Variants in NRG3 observed in about 807,000 individuals in gnomAD.
NRG3 encodes the protein neuregulin 3, also known as pro-neuregulin-3, membrane-bound isoform.
NRG3 carries 31 observed loss-of-function variants against 66.9 expected under a neutral mutation model. The observed-to-expected ratio is 0.46, with a 90% CI of 0.35 to 0.63. The LOEUF (loss-of-function observed/expected upper bound fraction) is 0.63, where lower values mean the gene tolerates loss of function less well. NRG3 is among the 20% of genes least tolerant of loss of function. NRG3 has a pLI of 0.00. For synonymous variants in NRG3, 393 were observed against 359.4 expected (o/e 1.09, Z -1.06); for missense variants, 910 against 878.9 (o/e 1.04, Z -0.45).
intron 4 of NRG3, among the ~76,000 whole-genome samples, chr10:82,932,319 G>A (rs1242563811): frequency 6.6e-6 from 1 of 152,206 alleles, no homozygotes; most frequent in African/African-American, 2.4e-5. Flanking sequence ...TACAAATTGA[G>A]TAAATTCAAT....
rs551065185 is a variant in NRG3, at chr10:82,461,324, A to G, written c.953+102456A>G. On this transcript the variant is annotated intron_variant, in intron 2 of 8. Transcript: ENST00000372141. ...CATTGCTATCATCAACACCATCACC[A>G]CCACCACCACCATCACCACCACCAC... Among the ~76,000 whole-genome samples, 576 of 151,750 alleles carry G rather than the reference A, an allele frequency of 3.8e-3. 1 individual carries two copies. Among genetic ancestry groups the G allele is most frequent in the African/African-American group, 0.013 (545 of 41,394 alleles).
chr10:82,854,896 T>A (rs1038673981), intron 3 of NRG3, among the ~76,000 whole-genome samples: 5 of 152,204 alleles, frequency 3.3e-5, no homozygotes, highest in East Asian at 3.9e-4. Context: ...TTCTACCATA[T>A]CCACTACATT....
At chr10:82,278,423 T>G (rs915713568) in intron 1 of NRG3, among the ~76,000 whole-genome samples, 1 of 152,102 alleles carries the variant, frequency 6.6e-6, no homozygotes, top group African/African-American at 2.4e-5. Flanking sequence ...TTTGGGGTTA[T>G]TAGTGATACC....
chr10:82,820,391 C>G (rs2061898688), intron 3 of NRG3, among the ~76,000 whole-genome samples: 1 of 152,108 alleles, frequency 6.6e-6, no homozygotes, highest in Non-Finnish European at 1.5e-5. Context: ...TTTATATTGG[C>G]AGTGGGGTTT....
chr10:82,137,488 A>G (rs1406784445), intron 1 of NRG3, among the ~76,000 whole-genome samples: 1 of 152,202 alleles, frequency 6.6e-6, no homozygotes, highest in Non-Finnish European at 1.5e-5. Flanking sequence ...GAAAAAATAA[A>G]TAGGTTCATG....
chr10:82,160,816 C>T (rs2071533876), intron 1 of NRG3, among the ~76,000 whole-genome samples: 1 of 151,896 alleles, frequency 6.6e-6, no homozygotes, highest in African/African-American at 2.4e-5. Flanking sequence ...AGCATGTGAT[C>T]TAAGTACTGG....
intron 2 of NRG3, among the ~76,000 whole-genome samples, chr10:82,644,930 C>T (rs1590998033): frequency 6.6e-6 from 1 of 152,132 alleles, no homozygotes; most frequent in East Asian, 1.9e-4. Context: ...ACCTAATTTT[C>T]CTTTCTTTCT....
chr10:81,943,863 C>G (rs897338311), intron 1 of NRG3, among the ~76,000 whole-genome samples: 2 of 152,164 alleles, frequency 1.3e-5, no homozygotes, highest in African/African-American at 2.4e-5. Context: ...GCTTCCACCT[C>G]CAAGAGGAAA....
At chr10:82,733,844 G>A (rs1035811604) in intron 2 of NRG3, among the ~76,000 whole-genome samples, 6 of 152,204 alleles carry the variant, frequency 3.9e-5, no homozygotes, top group African/African-American at 7.2e-5. Flanking sequence ...ATTATAAGCC[G>A]TAACTTAGTT....
At chr10:82,368,158 C>G (rs1158196646) in intron 2 of NRG3, among the ~76,000 whole-genome samples, 1 of 139,518 alleles carries the variant, frequency 7.2e-6, no homozygotes, top group Non-Finnish European at 1.5e-5. Context: ...TGAGTAAACA[C>G]AGGGAATTTG....
intron 2 of NRG3, among the ~76,000 whole-genome samples, chr10:82,524,879 A>C (rs1203002709): frequency 6.6e-6 from 1 of 151,698 alleles, no homozygotes; most frequent in Non-Finnish European, 1.5e-5. Flanking sequence ...CTACATTTTT[A>C]TATTTATTGG....
chr10:82,127,094 C>T (rs1173570726), intron 1 of NRG3, among the ~76,000 whole-genome samples: 1 of 152,126 alleles, frequency 6.6e-6, no homozygotes, highest in Non-Finnish European at 1.5e-5. Context: ...GTCCCTAACA[C>T]TTGAAGGAGA....
chr10:82,944,794 T>C (rs1848863852), intron 4 of NRG3, among the ~76,000 whole-genome samples: 1 of 152,200 alleles, frequency 6.6e-6, no homozygotes, highest in Admixed American at 6.5e-5. Flanking sequence ...AAAACATTTG[T>C]TCCCAACATA....
At chr10:82,547,325 T>A (rs995701946) in intron 2 of NRG3, among the ~76,000 whole-genome samples, 54 of 151,800 alleles carry the variant, frequency 3.6e-4, no homozygotes, top group Non-Finnish European at 1.0e-4. Context: ...TATAGAAATA[T>A]ATACACACCA....
At chr10:82,960,956 G>T (rs1850580529) in intron 6 of NRG3, among the ~76,000 whole-genome samples, 1 of 152,102 alleles carries the variant, frequency 6.6e-6, no homozygotes, top group Non-Finnish European at 1.5e-5. Context: ...AAACAGCCTT[G>T]TTGCTCACAC....
At chr10:82,447,779 C>T (rs1052251643) in intron 2 of NRG3, among the ~76,000 whole-genome samples, 5 of 152,150 alleles carry the variant, frequency 3.3e-5, no homozygotes, top group Admixed American at 3.3e-4. Flanking sequence ...GCTTGAGGCT[C>T]CTCTGCATGT....
intron 2 of NRG3, among the ~76,000 whole-genome samples, chr10:82,677,457 A>G (rs1330261029): frequency 1.3e-5 from 2 of 152,170 alleles, no homozygotes; most frequent in Non-Finnish European, 2.9e-5. Flanking sequence ...TTTTACACAC[A>G]ACAAGATCAT....
At chr10:82,963,964 T>A (rs960490249) in intron 6 of NRG3, among the ~76,000 whole-genome samples, 1 of 152,202 alleles carries the variant, frequency 6.6e-6, no homozygotes, top group African/African-American at 2.4e-5. Flanking sequence ...TGGAATTGTT[T>A]GCAGGGAGTA....
chr10:82,370,940 C>T (rs992414224), intron 2 of NRG3, among the ~76,000 whole-genome samples: 1 of 147,836 alleles, frequency 6.8e-6, no homozygotes, highest in African/African-American at 2.6e-5. Flanking sequence ...GCTTAAAATC[C>T]ACCTTACAAA....
Sources: gnomAD v4.1 joint callset for allele counts (sites outside exome capture counted in the v4.1 genomes callset) on GRCh38, gnomAD v4.1.1 for gene constraint, MANE v1.5 for transcripts, NCBI Gene and HGNC (gene_info 2026-07-23, HGNC 2026-07-21) for gene names.